Variants in LGSN observed in about 807,000 individuals in gnomAD.
The protein encoded by LGSN is lengsin, lens protein with glutamine synthetase domain, also known as lengsin.
In LGSN, 21 loss-of-function variants were observed where a neutral mutation model predicts 19.5. That is an observed-to-expected ratio of 1.07 (90% confidence interval 0.76 to 1.55). The LOEUF (loss-of-function observed/expected upper bound fraction) is 1.55, where lower values mean the gene tolerates loss of function less well. LGSN is among the 40% of genes most tolerant of loss of function. The pLI, the probability that LGSN is intolerant of heterozygous loss-of-function variation, is 0.00. For missense variants in LGSN, 673 were observed against 608.5 expected (o/e 1.11, Z -1.12); for synonymous variants, 257 against 215.6 (o/e 1.19, Z -1.68).
chr6:63,487,733 C>T, the LGSN span, among the ~76,000 whole-genome samples: 1 of 152,156 alleles, frequency 6.6e-6, no homozygotes, highest in African/African-American at 2.4e-5. Context: ...GTAATCCCAA[C>T]ACTTTGGGAG....
chr6:63,547,485 C>T, the LGSN span, among the ~76,000 whole-genome samples: 4 of 149,500 alleles, frequency 2.7e-5, no homozygotes, highest in East Asian at 2.0e-4. Context: ...CCACCTCGCC[C>T]GGCCAGGGGG....
At chr6:63,481,809 T>G in the LGSN span, 22 of 314,264 alleles carry the variant, frequency 7.0e-5, no homozygotes, top group Non-Finnish European at 1.1e-4. Context: ...GGAACAGATA[T>G]GCGGGAGGAG....
the LGSN span, among the ~76,000 whole-genome samples, chr6:63,466,848 C>T: frequency 6.6e-6 from 1 of 152,058 alleles, no homozygotes; most frequent in African/African-American, 2.4e-5. Flanking sequence ...TATTAGACAT[C>T]CAATGAGGAT....
the LGSN span, among the ~76,000 whole-genome samples, chr6:63,330,913 G>T: frequency 1.1e-4 from 17 of 152,188 alleles, no homozygotes; most frequent in African/African-American, 4.1e-4. Flanking sequence ...TCAAAGGTTT[G>T]CCCTAGACCC....
chr6:63,573,193 G>A, the LGSN span: 1 of 153,734 alleles, frequency 6.5e-6, no homozygotes. Context: ...GGCTGCACTG[G>A]GAGCGGGAGA....
intron 1 of LGSN, among the ~76,000 whole-genome samples, chr6:63,297,968 A>C (rs570207857): frequency 6.6e-6 from 1 of 152,332 alleles, no homozygotes; most frequent in South Asian, 2.1e-4. Flanking sequence ...TCTTCTGTAC[A>C]TCACTTTTCT....
chr6:63,549,243 T>C, the LGSN span: 3 of 740,946 alleles, frequency 4.0e-6, no homozygotes, highest in African/African-American at 1.7e-5. Flanking sequence ...AGCTGTTTGG[T>C]GGTCCAGGGC....
At chr6:63,297,995 G>A (rs1334035524) in intron 1 of LGSN, among the ~76,000 whole-genome samples, 2 of 152,160 alleles carry the variant, frequency 1.3e-5, no homozygotes, top group Non-Finnish European at 2.9e-5. Flanking sequence ...GTCCATAAAT[G>A]TCATCTGACC....
chr6:63,472,588 A>G, the LGSN span, among the ~76,000 whole-genome samples: 6 of 152,146 alleles, frequency 3.9e-5, no homozygotes, highest in East Asian at 7.7e-4. Flanking sequence ...CTGTTTTGGG[A>G]CAATCCTCTT....
chr6:63,556,644 A>C, the LGSN span, among the ~76,000 whole-genome samples: 1 of 152,234 alleles, frequency 6.6e-6, no homozygotes, highest in Non-Finnish European at 1.5e-5. Flanking sequence ...TTTGCCAAAA[A>C]GATCAGCATG....
chr6:63,341,497 C>A, the LGSN span, among the ~76,000 whole-genome samples: 1 of 152,110 alleles, frequency 6.6e-6, no homozygotes, highest in Non-Finnish European at 1.5e-5. Context: ...CTGTCAGTAG[C>A]AGCAGCCCCA....
At chr6:63,554,571 G>C in the LGSN span, among the ~76,000 whole-genome samples, 2 of 152,300 alleles carry the variant, frequency 1.3e-5, no homozygotes, top group East Asian at 3.9e-4. Context: ...GCCAAGGTGG[G>C]TAGATCACTT....
At chr6:63,405,010 G>C in the LGSN span, among the ~76,000 whole-genome samples, 1 of 132,994 alleles carries the variant, frequency 7.5e-6, no homozygotes, top group Non-Finnish European at 1.5e-5. Flanking sequence ...CTGTGTCCAT[G>C]TGATCTCATT....
chr6:63,464,072 A>G, the LGSN span, among the ~76,000 whole-genome samples: 1 of 147,328 alleles, frequency 6.8e-6, no homozygotes, highest in African/African-American at 2.7e-5. Context: ...TCATTACTGA[A>G]GCTGGATTAT....
At chr6:63,293,331 T>G (rs1767846048) in intron 2 of LGSN, among the ~76,000 whole-genome samples, 1 of 152,170 alleles carries the variant, frequency 6.6e-6, no homozygotes, top group South Asian at 2.1e-4. Context: ...TTCCAGCATT[T>G]TAATTCAAGT....
chr6:63,525,457 G>A, the LGSN span, among the ~76,000 whole-genome samples: 5 of 152,148 alleles, frequency 3.3e-5, no homozygotes, highest in African/African-American at 7.2e-5. Flanking sequence ...GGTTCTTCAC[G>A]CCAGCAGTTC....
the LGSN span, among the ~76,000 whole-genome samples, chr6:63,359,065 G>A: frequency 6.6e-6 from 1 of 152,124 alleles, no homozygotes; most frequent in South Asian, 2.1e-4. Flanking sequence ...TTTGTCAAAG[G>A]CCTTTTCTGC....
chr6:63,283,887 A>C (rs1767421677), intron 3 of LGSN, among the ~76,000 whole-genome samples: 1 of 151,894 alleles, frequency 6.6e-6, no homozygotes, highest in African/African-American at 2.4e-5. Flanking sequence ...TTTAGTAGAG[A>C]TGGGGTTTCA....
rs1262846155 is a variant in LGSN, at chr6:63,276,795, C to T, written c.*3226G>A. The T allele has an allele frequency of 6.6e-6, 1 of 152,198 alleles. No individual in the cohort carries two copies. The highest frequency in any genetic ancestry group is 1.5e-5 in the Non-Finnish European group (1 of 68,050). 9.4% of individuals were successfully genotyped at this position (152,198 alleles called of 1,614,324 possible). A position where few individuals can be genotyped will look rare whatever the true frequency, so the allele number is the denominator to read the frequency against. On this transcript the variant is annotated 3_prime_UTR_variant, in exon 4 of 4. Transcript: ENST00000370657. ...GAATGAATGTCTGACCCTCTTAACCCAGACCAAGAAGGTAGAAGCATCAGC... is the reference window on the plus strand; with the variant it reads ...GAATGAATGTCTGACCCTCTTAACCTAGACCAAGAAGGTAGAAGCATCAGC...
Sources: allele counts gnomAD v4.1 joint callset (sites outside exome capture counted in the v4.1 genomes callset), GRCh38; gene constraint gnomAD v4.1.1; transcripts MANE v1.5; gene names NCBI Gene and HGNC (gene_info 2026-07-23, HGNC 2026-07-21).